SH3GL2: variants seen among roughly 807,000 people sequenced by gnomAD.
SH3GL2 encodes SH3 domain containing GRB2 like 2, endophilin A1.
A neutral mutation model predicts 46.0 loss-of-function variants in SH3GL2; 24 were observed. That is an observed-to-expected ratio of 0.52 (90% CI 0.38 to 0.73). SH3GL2 has a LOEUF of 0.73. Ranked by LOEUF, SH3GL2 falls within the 30% of genes least tolerant of loss-of-function variation. The pLI, the probability that SH3GL2 is intolerant of heterozygous loss-of-function variation, is 0.00. For synonymous variants in SH3GL2, 196 were observed against 147.1 expected (o/e 1.33, Z -2.40); for missense variants, 413 against 424.2 (o/e 0.97, Z 0.23).
intron 1 of SH3GL2, among the ~76,000 whole-genome samples, chr9:17,617,147 T>G (rs1819022175): frequency 6.6e-6 from 1 of 152,222 alleles, no homozygotes; most frequent in African/African-American, 2.4e-5. Flanking sequence ...AGCTTCCCCA[T>G]TGTTTCATAG....
chr9:17,591,212 A>G (rs1805371807), intron 1 of SH3GL2: 1 of 152,250 alleles, frequency 6.6e-6, no homozygotes, highest in South Asian at 2.1e-4. Flanking sequence ...CTCTATATCA[A>G]TTGTTTTCCT....
intron 1 of SH3GL2, among the ~76,000 whole-genome samples, chr9:17,665,203 T>C (rs569377218): frequency 2.6e-5 from 4 of 152,290 alleles, no homozygotes; most frequent in African/African-American, 7.2e-5. Context: ...CATTTTCTTA[T>C]ATAACCATAG....
At chr9:17,735,598 A>G (rs574888271) in intron 1 of SH3GL2, 2 of 156,174 alleles carry the variant, frequency 1.3e-5, no homozygotes, top group African/African-American at 2.4e-5. Flanking sequence ...AACTTTTTGT[A>G]TATGTGGGTT....
intron 1 of SH3GL2, among the ~76,000 whole-genome samples, chr9:17,615,374 T>TTTTTTCA (rs1168022378): frequency 1.3e-5 from 2 of 152,144 alleles, no homozygotes; most frequent in East Asian, 3.9e-4. Flanking sequence ...TTCCCTTCAT[T>TTTTTTCA]GGCTGGGTGC....
intron 1 of SH3GL2, among the ~76,000 whole-genome samples, chr9:17,668,219 C>A (rs1024754847): frequency 6.6e-6 from 1 of 152,130 alleles, no homozygotes; most frequent in Non-Finnish European, 1.5e-5. Flanking sequence ...AGACTAATGA[C>A]GATGTTTTCT....
intron 1 of SH3GL2, among the ~76,000 whole-genome samples, chr9:17,657,516 C>T (rs1281822368): frequency 1.3e-5 from 2 of 152,142 alleles, no homozygotes; most frequent in East Asian, 3.9e-4. Context: ...TTAAGCAAGT[C>T]ATTTACGTTT....
intron 3 of SH3GL2, among the ~76,000 whole-genome samples, chr9:17,768,238 G>A (rs1052754878): frequency 8.6e-5 from 13 of 151,796 alleles, no homozygotes; most frequent in African/African-American, 2.9e-4. Flanking sequence ...GCTGTTGGTG[G>A]TGGGCACCTG....
At chr9:17,619,129 T>A (rs1819072035) in intron 1 of SH3GL2, among the ~76,000 whole-genome samples, 1 of 152,300 alleles carries the variant, frequency 6.6e-6, no homozygotes, top group South Asian at 2.1e-4. Context: ...ATACCTACTT[T>A]ACAAGTGCAG....
chr9:17,733,385 C>A (rs9695717), intron 1 of SH3GL2, among the ~76,000 whole-genome samples: 46,180 of 151,488 alleles, frequency 0.3, 7,597 homozygotes, highest in East Asian at 0.6. Context: ...ACTAACTTGT[C>A]ATCTAGCATT....
At chr9:17,707,394 C>G (rs1215229976) in intron 1 of SH3GL2, among the ~76,000 whole-genome samples, 1 of 152,040 alleles carries the variant, frequency 6.6e-6, no homozygotes, top group East Asian at 1.9e-4. Context: ...TCTCAACTCT[C>G]TCTAGGGCTG....
At chr9:17,761,905 G>T (rs561050156) in intron 3 of SH3GL2, among the ~76,000 whole-genome samples, 1 of 152,230 alleles carries the variant, frequency 6.6e-6, no homozygotes, top group African/African-American at 2.4e-5. Flanking sequence ...GAGGTGAATC[G>T]TTTTCATGAA....
chr9:17,689,232 C>G (rs1175624081), intron 1 of SH3GL2, among the ~76,000 whole-genome samples: 2 of 151,948 alleles, frequency 1.3e-5, no homozygotes, highest in Non-Finnish European at 1.5e-5. Flanking sequence ...CAGTACTCCT[C>G]AAAACTTTCA....
chr9:17,626,967 A>G (rs1282068839), intron 1 of SH3GL2, among the ~76,000 whole-genome samples: 1 of 152,160 alleles, frequency 6.6e-6, no homozygotes, highest in African/African-American at 2.4e-5. Context: ...GGTCTGAGCC[A>G]GGATAATCTT....
At chr9:17,763,900 G>T (rs144074748) in intron 3 of SH3GL2, among the ~76,000 whole-genome samples, 1 of 152,148 alleles carries the variant, frequency 6.6e-6, no homozygotes, top group African/African-American at 2.4e-5. Flanking sequence ...TCATTTAGGT[G>T]TGAAGGGTCC....
intron 1 of SH3GL2, among the ~76,000 whole-genome samples, chr9:17,671,608 C>G (rs2117965351): frequency 6.6e-6 from 1 of 152,090 alleles, no homozygotes; most frequent in South Asian, 2.1e-4. Flanking sequence ...CATACATATA[C>G]CCATCTATTA....
At chr9:17,746,478 A>G (rs985656368) in intron 1 of SH3GL2, among the ~76,000 whole-genome samples, 2 of 152,244 alleles carry the variant, frequency 1.3e-5, no homozygotes, top group Non-Finnish European at 2.9e-5. Flanking sequence ...TCAAGTAGCA[A>G]AGAAATGCCT....
intron 1 of SH3GL2, among the ~76,000 whole-genome samples, chr9:17,623,289 C>T (rs970387282): frequency 1.3e-5 from 2 of 151,922 alleles, no homozygotes; most frequent in African/African-American, 4.8e-5. Context: ...TGTGTCCTGT[C>T]CATAGGAGGA....
chr9:17,755,730 A>G, intron 2 of SH3GL2: 2 of 972,514 alleles, frequency 2.1e-6, no homozygotes, highest in Non-Finnish European at 1.2e-6. Context: ...ATAGTATGAA[A>G]TCATATCTTT....
At chr9:17,662,329 G>C (rs1222945449) in intron 1 of SH3GL2, among the ~76,000 whole-genome samples, 1 of 152,188 alleles carries the variant, frequency 6.6e-6, no homozygotes, top group Admixed American at 6.5e-5. Context: ...GGTCAGCATA[G>C]TATAGAAGGA....
Sources: gnomAD v4.1 joint callset for allele counts (sites outside exome capture counted in the v4.1 genomes callset) on GRCh38, gnomAD v4.1.1 for gene constraint, MANE v1.5 for transcripts, NCBI Gene and HGNC (gene_info 2026-07-23, HGNC 2026-07-21) for gene names.